The following BNC2 variants were observed in gnomAD, a reference collection of about 807,000 sequenced individuals.
BNC2 encodes basonuclin zinc finger protein 2.
BNC2 carries 20 observed loss-of-function variants against 76.3 expected under a neutral mutation model. That is an observed-to-expected ratio of 0.26 (90% CI 0.18 to 0.38). BNC2 has a LOEUF of 0.38. BNC2 is among the 10% of genes least tolerant of loss of function. The pLI, the probability that BNC2 is intolerant of heterozygous loss-of-function variation, is 1.00. For synonymous variants in BNC2, 582 were observed against 514.8 expected (o/e 1.13, Z -1.77); for missense variants, 1,382 against 1,399.8 (o/e 0.99, Z 0.20).
intron 5 of BNC2, among the ~76,000 whole-genome samples, chr9:16,551,832 G>T (rs1818672538): frequency 1.3e-5 from 2 of 152,142 alleles, no homozygotes; most frequent in Non-Finnish European, 2.9e-5. Flanking sequence ...GGGAGATGGG[G>T]GTGCATGAAG....
intron 3 of BNC2, among the ~76,000 whole-genome samples, chr9:16,652,345 A>G (rs1042763843): frequency 6.6e-6 from 1 of 152,200 alleles, no homozygotes; most frequent in Non-Finnish European, 1.5e-5. Context: ...CTATAAAACA[A>G]ATGTTTTTTT....
At chr9:16,820,122 C>CA (rs11387388) in intron 1 of BNC2, among the ~76,000 whole-genome samples, 61,012 of 81,790 alleles carry the variant, frequency 0.75, 23,030 homozygotes, top group East Asian at 0.88. Context: ...GAGACTGTCT[C>CA]AAAAAAAAAA....
rs971174869 is a variant in BNC2 at position 16,522,835 on chromosome 9, C to T, written c.669+29695G>A. Among the ~76,000 whole-genome samples the T allele has an allele frequency of 2.6e-5, 4 of 152,072 alleles. No homozygotes were observed. In the South Asian group the frequency reaches 8.3e-4, roughly 32 times the overall value. ...CACTTTATATTCTCCTGAGGAGCAG[C>T]TGAAAAATGCCAAAAATCAAAACCA... On this transcript the variant is annotated intron_variant, in intron 5 of 6. Transcript: ENST00000380672.
intron 3 of BNC2, among the ~76,000 whole-genome samples, chr9:16,632,034 G>C (rs1007575404): frequency 1.3e-5 from 2 of 152,186 alleles, no homozygotes; most frequent in Admixed American, 1.3e-4. Flanking sequence ...TGGCAGACAG[G>C]GTAAGGGGCA....
chr9:16,774,664 G>A (rs1188135053), intron 1 of BNC2, among the ~76,000 whole-genome samples: 1 of 152,184 alleles, frequency 6.6e-6, no homozygotes, highest in Non-Finnish European at 1.5e-5. Flanking sequence ...TTGCAGTATT[G>A]TAAGCCTGTT....
At chr9:16,479,249 CAAA>C (rs772198451) in intron 5 of BNC2, among the ~76,000 whole-genome samples, 3 of 65,190 alleles carry the variant, frequency 4.6e-5, no homozygotes, top group African/African-American at 1.6e-4. Context: ...GACTCTGTCT[CAAA>C]AAAAAAAAAA....
Position 16,866,351 on chromosome 9 carries a change from G to A in BNC2, c.3+4295C>T, listed in dbSNP as rs115908143. 7.4e-3 allele frequency among the ~76,000 whole-genome samples: 1,128 copies of A among 151,826 alleles called. 11 individuals carry two copies. The highest frequency in any genetic ancestry group is 0.025 in the African/African-American group (1,045 of 41,394). On this transcript the variant is annotated intron_variant, in intron 1 of 6. Coordinates refer to ENST00000380672, the MANE Select transcript of BNC2 (RefSeq NM_017637.6). ...TCTCTCTGGAATACAGAAGTTGTAT[G>A]TAGAACTACTCCAAAACCATCATTT...
At chr9:16,439,529 G>A (rs899285830) in intron 5 of BNC2, among the ~76,000 whole-genome samples, 1 of 152,136 alleles carries the variant, frequency 6.6e-6, no homozygotes, top group Non-Finnish European at 1.5e-5. Flanking sequence ...TCCGGTTTCA[G>A]CCACTGTGCT....
chr9:16,687,670 C>CA (rs1182444365), intron 3 of BNC2, among the ~76,000 whole-genome samples: 1 of 152,104 alleles, frequency 6.6e-6, no homozygotes, highest in Admixed American at 6.5e-5. Flanking sequence ...CCATATATTG[C>CA]AAATTAAGTG....
intron 5 of BNC2, among the ~76,000 whole-genome samples, chr9:16,550,657 T>C (rs1259977054): frequency 6.6e-6 from 1 of 152,210 alleles, no homozygotes; most frequent in Non-Finnish European, 1.5e-5. Flanking sequence ...ATGTATATGC[T>C]TGTGTCTCTG....
chr9:16,765,539 A>G (rs1461382912), intron 1 of BNC2, among the ~76,000 whole-genome samples: 6 of 152,204 alleles, frequency 3.9e-5, no homozygotes. Flanking sequence ...ATTTGACTTT[A>G]GAAAAGCTGA....
At chr9:16,786,438 GA>G (rs200400414) in intron 1 of BNC2, among the ~76,000 whole-genome samples, 1 of 150,396 alleles carries the variant, frequency 6.6e-6, no homozygotes, top group African/African-American at 2.4e-5. Context: ...GAAACGGAGG[GA>G]AAAAAAAAGT....
Position 16,590,511 on chromosome 9 carries a change from T to A in BNC2, c.331-7426A>T, listed in dbSNP as rs555357044. On this transcript the variant is annotated intron_variant, in intron 3 of 6. Transcript: ENST00000380672. ...CCTGGCTTAAAAAAAGAAAATTTGTTCTTCAAAGACATTTCTATCCTAGCA... is the reference window on the plus strand; with the variant it reads ...CCTGGCTTAAAAAAAGAAAATTTGTACTTCAAAGACATTTCTATCCTAGCA... Among the ~76,000 whole-genome samples the A allele has an allele frequency of 7.2e-5, 11 of 151,952 alleles. No homozygotes were observed. The South Asian group carries it at 2.3e-3, about 32-fold the overall frequency.
At chr9:16,709,436 AC>A (rs1563909679) in intron 3 of BNC2, among the ~76,000 whole-genome samples, 1 of 152,226 alleles carries the variant, frequency 6.6e-6, no homozygotes, top group Non-Finnish European at 1.5e-5. Flanking sequence ...ATTAAACAGT[AC>A]ACTTGCAATG....
chr9:16,419,685 G>A (rs564621121), intron 6 of BNC2, 36 bp from the exon 7 acceptor site: 3 of 425,880 alleles, frequency 7.0e-6, no homozygotes, highest in Admixed American at 2.9e-5. Context: ...GTACGTGGAT[G>A]GGGGGTGGGG....
In BNC2 at chr9:16,738,432, G is replaced by A. The variant is rs1220964922; in HGVS notation, c.57C>T (p.Asp19=). 1.9e-6 allele frequency: 3 copies of A among 1,614,028 alleles called. No individual in the cohort carries two copies. The Admixed American group carries it at 5.0e-5, about 27-fold the overall frequency. The change falls in exon 2 of 7, where the codon GAC becomes GAT. Residue 19 remains aspartate (D), a synonymous_variant. Transcript: ENST00000380672. ...PPHSLNYKSE[D]RLSEQDWPAY... is the part of the protein sequence containing the mutation. Reference sequence around the variant, plus strand: ...CTGGCCAGTCTTGCTCACTAAGCCTGTCCTCTGATTTGTAATTAAGGCTAT... The same window carrying A: ...CTGGCCAGTCTTGCTCACTAAGCCTATCCTCTGATTTGTAATTAAGGCTAT...
At chr9:16,656,866 G>C (rs1275646610) in intron 3 of BNC2, among the ~76,000 whole-genome samples, 1 of 152,128 alleles carries the variant, frequency 6.6e-6, no homozygotes, top group Non-Finnish European at 1.5e-5. Flanking sequence ...AGAGGCACTG[G>C]GGATGCAGAA....
At chr9:16,611,699 T>C (rs1005410716) in intron 3 of BNC2, among the ~76,000 whole-genome samples, 8 of 152,176 alleles carry the variant, frequency 5.3e-5, no homozygotes, top group African/African-American at 1.7e-4. Flanking sequence ...AAATAATAAC[T>C]TGTAAGACCA....
chr9:16,671,709 A>G (rs1213273369), intron 3 of BNC2, among the ~76,000 whole-genome samples: 1 of 152,186 alleles, frequency 6.6e-6, no homozygotes, highest in Non-Finnish European at 1.5e-5. Flanking sequence ...CAGTTGGCCC[A>G]CCGTTAGTCA....
Sources: gnomAD v4.1 joint callset for allele counts (sites outside exome capture counted in the v4.1 genomes callset) on GRCh38, gnomAD v4.1.1 for gene constraint, MANE v1.5 for transcripts, NCBI Gene and HGNC (gene_info 2026-07-23, HGNC 2026-07-21) for gene names.